NDE1: variants seen among roughly 807,000 people sequenced by gnomAD.
NDE1 encodes the protein nudE neurodevelopment protein 1, also known as nuclear distribution protein nudE homolog 1.
A neutral mutation model predicts 43.4 loss-of-function variants in NDE1; 28 were observed. That is an observed-to-expected ratio of 0.65 (90% confidence interval 0.48 to 0.89). The LOEUF (loss-of-function observed/expected upper bound fraction) is 0.89. Ranked by LOEUF, NDE1 falls within the 40% of genes least tolerant of loss-of-function variation. The probability of loss-of-function intolerance (pLI) is 0.00; values close to 1 mark genes in which losing one functional copy is unlikely to be tolerated. For synonymous variants in NDE1, 184 were observed against 172.0 expected, an observed-to-expected ratio of 1.07 and a Z score of -0.55; for missense variants, 441 against 434.1, an observed-to-expected ratio of 1.02 and a Z score of -0.14.
chr16:15,705,457 C>A (rs1198884730), intron 8 of NDE1, among the ~76,000 whole-genome samples: 1 of 152,194 alleles, frequency 6.6e-6, no homozygotes. Flanking sequence ...AAGGAAAAAT[C>A]AGATCTGCCT....
At position 15,674,952 on chromosome 16, in the gene NDE1, AAGC is replaced by A. The variant is rs2037792177; in HGVS notation, c.238-2846_238-2844del. On this transcript the variant is annotated intron_variant, in intron 3 of 8. Transcript: ENST00000396354. ...TTTGTAATACGGTGATAATGTGTGA[AAGC>A]AGGCTTGCGTTGCCCCTGTGGATGA... Among the ~76,000 whole-genome samples, 5 of 152,158 alleles carry A rather than the reference AAGC, an allele frequency of 3.3e-5. 1 individual carries two copies. In the South Asian group the frequency reaches 8.3e-4, roughly 25 times the overall value.
rs142604517 is a variant in NDE1 at position 15,696,361 on chromosome 16, G to A, written c.796-348G>A. Among the ~76,000 whole-genome samples the A allele has an allele frequency of 5.7e-4, 85 of 148,994 alleles. 1 individual carries two copies. Among genetic ancestry groups the A allele is most frequent in the Non-Finnish European group, 8.6e-4 (58 of 67,212 alleles). ...AGTGCACTCCAGCCTGGGTGACACA[G>A]CGTCTAAAAAAGTAAAAAACAAAAC... On this transcript the variant is annotated intron_variant, in intron 7 of 8. Coordinates refer to ENST00000396354, the MANE Select transcript of NDE1 (RefSeq NM_017668.3).
At chr16:15,714,941 G>A (rs1226929579) in intron 8 of NDE1, 1 of 1,614,058 alleles carries the variant, frequency 6.2e-7, no homozygotes, top group East Asian at 2.2e-5. Flanking sequence ...TCACCTCGCG[G>A]CCCATGGCCT....
intron 8 of NDE1, chr16:15,714,925 G>C: frequency 1.2e-6 from 2 of 1,614,016 alleles, no homozygotes; most frequent in South Asian, 1.1e-5. Context: ...TTGCTCTTGA[G>C]TGCGTTCACC....
At chr16:15,699,971 A>G in intron 8 of NDE1, 1 of 1,206,004 alleles carries the variant, frequency 8.3e-7, no homozygotes, top group Non-Finnish European at 1.1e-6. Flanking sequence ...CCAATGACCG[A>G]GGCCATCACC....
intron 8 of NDE1, chr16:15,714,852 C>G: frequency 6.2e-7 from 1 of 1,605,904 alleles, no homozygotes; most frequent in Middle Eastern, 2.2e-4. Context: ...AGCCCGAGCC[C>G]CCAGTGCTTT....
intron 8 of NDE1, chr16:15,712,895 TGA>T (rs2039897517): frequency 2.0e-5 from 3 of 148,856 alleles, no homozygotes; most frequent in Non-Finnish European, 1.5e-5. Context: ...TTTTTTTTTT[TGA>T]GACCGAGTCT....
chr16:15,718,662 G>A (rs979483755), intron 8 of NDE1: 2 of 621,394 alleles, frequency 3.2e-6, no homozygotes, highest in Non-Finnish European at 5.6e-6. Flanking sequence ...ATGGGGACCA[G>A]CACACTCCTC....
At chr16:15,719,938 A>G (rs1199370093) in intron 8 of NDE1, among the ~76,000 whole-genome samples, 1 of 152,082 alleles carries the variant, frequency 6.6e-6, no homozygotes, top group Non-Finnish European at 1.5e-5. Flanking sequence ...CCCTGATGTG[A>G]TCTGAGGGCA....
chr16:15,644,548 A>C (rs1043958345), intron 1 of NDE1, among the ~76,000 whole-genome samples: 2 of 152,204 alleles, frequency 1.3e-5, no homozygotes, highest in Admixed American at 1.3e-4. Flanking sequence ...GAGGCTACGG[A>C]GGGAGGATCT....
intron 3 of NDE1, among the ~76,000 whole-genome samples, chr16:15,668,462 G>A (rs185982165): frequency 5.3e-5 from 8 of 152,134 alleles, no homozygotes; most frequent in African/African-American, 1.7e-4. Flanking sequence ...ACAGGGTTTC[G>A]CTGTGTTGCC....
chr16:15,708,637 G>A (rs1247729204), intron 8 of NDE1, among the ~76,000 whole-genome samples: 1 of 152,182 alleles, frequency 6.6e-6, no homozygotes, highest in African/African-American at 2.4e-5. Context: ...TCCTGATCTT[G>A]GTTTCAATGA....
rs1167548718 is a variant in NDE1, at chr16:15,689,452, ACCGCAC to A, written c.524-1689_524-1684del. ...GGTTACATTGAGCTATGATTGTGCC[ACCGCAC>A]CCCAGCCTGGGTGACTGAGTCAGAC... is the stretch of plus-strand genomic sequence containing the variant. On this transcript the variant is annotated intron_variant, in intron 5 of 8. Transcript: ENST00000396354. 3.3e-5 allele frequency among the ~76,000 whole-genome samples: 5 copies of A among 152,326 alleles called. No homozygotes were observed. In the East Asian group the frequency reaches 9.6e-4, roughly 29 times the overall value.
At chr16:15,680,296 G>A (rs550628593) in intron 4 of NDE1, among the ~76,000 whole-genome samples, 7 of 152,230 alleles carry the variant, frequency 4.6e-5, no homozygotes, top group Admixed American at 4.6e-4. Flanking sequence ...CAGAATGTGG[G>A]GGGGCCCACG....
At chr16:15,714,853 C>A in intron 8 of NDE1, 1 of 1,606,490 alleles carries the variant, frequency 6.2e-7, no homozygotes, top group Non-Finnish European at 8.5e-7. Flanking sequence ...GCCCGAGCCC[C>A]CAGTGCTTTT....
chr16:15,725,806 C>T lies in NDE1; in HGVS notation c.*1555C>T, dbSNP rs530110830. 2 of 398,144 alleles carry T rather than the reference C, an allele frequency of 5.0e-6. No individual in the cohort carries two copies. The highest frequency in any genetic ancestry group is 8.8e-5 in the Admixed American group (2 of 22,730). 24.7% of individuals were successfully genotyped at this position (398,144 alleles called of 1,614,324 possible). On this transcript the variant is annotated 3_prime_UTR_variant, in exon 9 of 9. Coordinates refer to ENST00000396354, the MANE Select transcript of NDE1 (RefSeq NM_017668.3). The stretch of plus-strand genomic sequence containing the variant: ...ATGGCTATGCCAAGTGAAAGAAGAC[C>T]AAAGACAAAAAGACCATGTCATTCA...
intron 1 of NDE1, among the ~76,000 whole-genome samples, chr16:15,645,151 C>A (rs1314511884): frequency 6.6e-6 from 1 of 152,128 alleles, no homozygotes; most frequent in Non-Finnish European, 1.5e-5. Context: ...AACTCCTAGC[C>A]TCAAGTGATC....
chr16:15,715,318 C>A (rs2040066301), intron 8 of NDE1: 1 of 1,591,408 alleles, frequency 6.3e-7, no homozygotes, highest in Non-Finnish European at 8.6e-7. Flanking sequence ...AGGGTGGCAC[C>A]CCTTGTAGCT....
chr16:15,687,228 G>C, intron 4 of NDE1, 147 bp from the exon 5 acceptor site: 1 of 1,553,398 alleles, frequency 6.4e-7, no homozygotes, highest in Non-Finnish European at 8.7e-7. Flanking sequence ...GAAGGTTAAG[G>C]GACTTGGCCC....
Sources: allele counts gnomAD v4.1 joint callset (sites outside exome capture counted in the v4.1 genomes callset), GRCh38; gene constraint gnomAD v4.1.1; transcripts MANE v1.5; gene names NCBI Gene and HGNC (gene_info 2026-07-23, HGNC 2026-07-21).